The following CARMIL1 variants were observed in gnomAD, a reference collection of about 807,000 sequenced individuals.
The protein encoded by CARMIL1 is capping protein regulator and myosin 1 linker 1, also known as F-actin-uncapping protein LRRC16A.
In CARMIL1, 90 loss-of-function variants were observed where a neutral mutation model predicts 177.1. The observed-to-expected ratio is 0.51, with a 90% CI of 0.43 to 0.61. The LOEUF (loss-of-function observed/expected upper bound fraction) is 0.61. Among genes scored for constraint, CARMIL1 ranks in the 20% least tolerant of loss-of-function variants. CARMIL1 has a pLI of 0.00. For synonymous variants in CARMIL1, 577 were observed against 606.2 expected (o/e 0.95, Z 0.71); for missense variants, 1,380 against 1,667.0 (o/e 0.83, Z 3.00).
intron 2 of CARMIL1, among the ~76,000 whole-genome samples, chr6:25,324,360 T>C (rs1249481612): frequency 6.6e-6 from 1 of 152,126 alleles, no homozygotes; most frequent in Non-Finnish European, 1.5e-5. Flanking sequence ...TTTTTTTTTT[T>C]TTTTTGCCTT....
At chr6:25,465,760 G>A in intron 8 of CARMIL1, 113 bp from the exon 9 acceptor site, 4 of 715,258 alleles carry the variant, frequency 5.6e-6, no homozygotes. Flanking sequence ...TAGATGTTGT[G>A]TTTCTGAATA....
intron 35 of CARMIL1, among the ~76,000 whole-genome samples, chr6:25,609,477 AAAG>A (rs1176444530): frequency 6.6e-6 from 1 of 151,608 alleles, no homozygotes; most frequent in Admixed American, 6.6e-5. Context: ...AAAAAAAAAA[AAAG>A]AGAGACTAGA....
Position 25,610,043 on chromosome 6 carries a change from T to G in CARMIL1, c.3848-7T>G, listed in dbSNP as rs1324725774. 6.2e-7 allele frequency: 1 copy of G among 1,611,322 alleles called. No individual in the cohort carries two copies. Among genetic ancestry groups the G allele is most frequent in the Non-Finnish European group, 8.5e-7 (1 of 1,178,616 alleles). Reference sequence around the variant, plus strand: ...ACAGTTTGATTCACGTGTTTGTGTCTCCTTAGATGACATTCCAGACTCTCC... The same window carrying G: ...ACAGTTTGATTCACGTGTTTGTGTCGCCTTAGATGACATTCCAGACTCTCC... On this transcript the variant is annotated splice_polypyrimidine_tract_variant and splice_region_variant and intron_variant, in intron 35 of 36. Coordinates refer to ENST00000329474, the MANE Select transcript of CARMIL1 (RefSeq NM_017640.6).
chr6:25,591,315 G>A (rs774047751), intron 31 of CARMIL1, among the ~76,000 whole-genome samples: 2 of 152,188 alleles, frequency 1.3e-5, no homozygotes, highest in Non-Finnish European at 2.9e-5. Flanking sequence ...CAGCATTCAC[G>A]AGTTATCCTT....
chr6:25,521,507 C>T (rs1004828722), intron 23 of CARMIL1, among the ~76,000 whole-genome samples: 16 of 152,196 alleles, frequency 1.1e-4, no homozygotes, highest in African/African-American at 3.6e-4. Context: ...CGATGGCTCA[C>T]GCCTGTAATC....
intron 2 of CARMIL1, among the ~76,000 whole-genome samples, chr6:25,309,123 A>C (rs1164112604): frequency 1.3e-5 from 2 of 152,092 alleles, no homozygotes; most frequent in Non-Finnish European, 2.9e-5. Flanking sequence ...CCTGGGCTCA[A>C]GTGATCCTCC....
chr6:25,472,729 AAAAGG>A (rs1183182266), intron 11 of CARMIL1: 6 of 546,018 alleles, frequency 1.1e-5, no homozygotes, highest in Non-Finnish European at 1.9e-5. Flanking sequence ...GAAGTGAAAC[AAAAGG>A]AAAGGAAGAT....
At chr6:25,584,351 A>T (rs1813442997) in intron 31 of CARMIL1, among the ~76,000 whole-genome samples, 1 of 148,144 alleles carries the variant, frequency 6.8e-6, no homozygotes, top group Non-Finnish European at 1.5e-5. Flanking sequence ...TTTTTCCTTA[A>T]ATGTTTGAAA....
At position 25,393,038 on chromosome 6, in the gene CARMIL1, A is replaced by G. The variant is rs117195307; in HGVS notation, c.139-27076A>G. ...GTTGAAGAAGAGAGTGGTTTCTTTCATGGTGAGAGGCATGAAATGAGTGAT... is the reference window on the plus strand; with the variant it reads ...GTTGAAGAAGAGAGTGGTTTCTTTCGTGGTGAGAGGCATGAAATGAGTGAT... On this transcript the variant is annotated intron_variant, in intron 2 of 36. Transcript: ENST00000329474. Among the ~76,000 whole-genome samples, 359 of 152,148 alleles carry G rather than the reference A, an allele frequency of 2.4e-3. 4 individuals carry two copies. The East Asian group carries it at 0.025, about 10-fold the overall frequency.
At position 25,554,249 on chromosome 6, in the gene CARMIL1, T is replaced by C. The variant is rs1810410959; in HGVS notation, c.2592+153T>C. On this transcript the variant is annotated intron_variant, in intron 28 of 36. Transcript: ENST00000329474. The surrounding 1 kb of genome is among the most constrained non-coding windows in gnomAD (Gnocchi z 4.6). ...CTTGGTTTTCCTCCTTTCTCTTCTA[T>C]GTTGCTTCTAGCCATTCTGGAGCAT... Among the ~76,000 whole-genome samples, 1 of 152,222 alleles carries C rather than the reference T, an allele frequency of 6.6e-6. No homozygotes were observed. Among genetic ancestry groups the C allele is most frequent in the Non-Finnish European group, 1.5e-5 (1 of 68,034 alleles).
chr6:25,373,557 TATA>T (rs1234749649), intron 2 of CARMIL1, among the ~76,000 whole-genome samples: 1 of 151,860 alleles, frequency 6.6e-6, no homozygotes, highest in East Asian at 1.9e-4. Context: ...TTCTTTTGGT[TATA>T]ATGTCTCAAT....
chr6:25,381,637 C>A (rs1302118191), intron 2 of CARMIL1, among the ~76,000 whole-genome samples: 1 of 152,126 alleles, frequency 6.6e-6, no homozygotes, highest in African/African-American at 2.4e-5. Context: ...GAAGTTACAA[C>A]CCAGGAACAG....
chr6:25,297,500 T>A (rs908477505), intron 2 of CARMIL1, among the ~76,000 whole-genome samples: 12 of 152,220 alleles, frequency 7.9e-5, no homozygotes, highest in African/African-American at 2.9e-4. Context: ...ACATGTTGGG[T>A]CTTCTCTGTT....
At chr6:25,368,380 T>C (rs921539628) in intron 2 of CARMIL1, among the ~76,000 whole-genome samples, 4 of 152,210 alleles carry the variant, frequency 2.6e-5, no homozygotes, top group Non-Finnish European at 4.4e-5. Flanking sequence ...CTAGGAAAAG[T>C]AGGCGGCTGC....
chr6:25,322,537 A>G lies in CARMIL1; in HGVS notation c.138+37628A>G, dbSNP rs138076544. Among the ~76,000 whole-genome samples, 33 of 152,346 alleles carry G rather than the reference A, an allele frequency of 2.2e-4. No homozygotes were observed. The East Asian group carries it at 6.4e-3, about 29-fold the overall frequency. On this transcript the variant is annotated intron_variant, in intron 2 of 36. Transcript: ENST00000329474. ...ACACACACAAAAATACACAAACTTT[A>G]GGTAACATAAATGTGTGTGGCTGTC... is the stretch of plus-strand genomic sequence containing the variant.
At chr6:25,325,167 T>G (rs2150251709) in intron 2 of CARMIL1, among the ~76,000 whole-genome samples, 1 of 152,332 alleles carries the variant, frequency 6.6e-6, no homozygotes. Flanking sequence ...GGGTGGTAGA[T>G]TAAAGGCCGT....
chr6:25,334,002 C>T (rs1785961314), intron 2 of CARMIL1, among the ~76,000 whole-genome samples: 1 of 152,218 alleles, frequency 6.6e-6, no homozygotes, highest in South Asian at 2.1e-4. Context: ...TCTTTCTCCT[C>T]TGCTGGTGTT....
rs531379837 is a variant in CARMIL1, at chr6:25,537,787, T to C, written c.2068-68T>C. 18 of 1,580,854 alleles carry C rather than the reference T, an allele frequency of 1.1e-5. 1 individual carries two copies. The South Asian group carries it at 1.6e-4, about 14-fold the overall frequency. ...AAGTTTTTTTCATACTCCTTCGTTC[T>C]GTGTTTCCTTCTATCTGAATATCGG... On this transcript the variant is annotated intron_variant, in intron 24 of 36. Coordinates refer to ENST00000329474, the MANE Select transcript of CARMIL1 (RefSeq NM_017640.6).
In CARMIL1 at chr6:25,563,522, C is replaced by A. The variant is rs377493468; in HGVS notation, c.2742+6672C>A. ...AAAAGAAACATCTGGAAGAAGGTGG[C>A]TGCTGGCTCTCAACAGAGCCCAGAG... On this transcript the variant is annotated intron_variant, in intron 29 of 36. Transcript: ENST00000329474. 6 of 985,302 alleles carry A rather than the reference C, an allele frequency of 6.1e-6. No individual in the cohort carries two copies. The African/African-American group carries it at 8.7e-5, about 14-fold the overall frequency. 61.0% of individuals were successfully genotyped at this position (985,302 alleles called of 1,614,324 possible).
Sources: gnomAD v4.1 joint callset for allele counts (sites outside exome capture counted in the v4.1 genomes callset) on GRCh38, gnomAD v4.1.1 for gene constraint, Gnocchi (gnomAD v3.1) non-coding constraint, MANE v1.5 for transcripts, NCBI Gene and HGNC (gene_info 2026-07-23, HGNC 2026-07-21) for gene names.